PRKD3: variants seen among roughly 807,000 people sequenced by gnomAD.
The protein encoded by PRKD3 is serine/threonine-protein kinase D3.
A neutral mutation model predicts 99.2 loss-of-function variants in PRKD3; 47 were observed. That is an observed-to-expected ratio of 0.47 (90% CI 0.38 to 0.60). PRKD3 has a LOEUF of 0.60. PRKD3 is among the 20% of genes least tolerant of loss of function. The probability of loss-of-function intolerance (pLI) is 0.00; values close to 1 mark genes in which losing one functional copy is unlikely to be tolerated. For missense variants in PRKD3, 1,019 were observed against 1,088.4 expected, an observed-to-expected ratio of 0.94 and a Z score of 0.90; for synonymous variants, 392 against 355.4, an observed-to-expected ratio of 1.10 and a Z score of -1.16.
chr2:37,278,812 C>T (rs184521262), intron 8 of PRKD3: 1 of 152,102 alleles, frequency 6.6e-6, no homozygotes, highest in Admixed American at 6.5e-5. Context: ...TGGCAGGTGC[C>T]TGTAGTCCCA....
chr2:37,263,781 T>G (rs1668638664), intron 14 of PRKD3, among the ~76,000 whole-genome samples: 1 of 152,228 alleles, frequency 6.6e-6, no homozygotes, highest in Non-Finnish European at 1.5e-5. Flanking sequence ...CATGCACCTC[T>G]GCTTCATCTT....
rs755389058 is a variant in PRKD3 at position 37,290,993 on chromosome 2, G to A, written c.434C>T (p.Ala145Val). ...ACGAATCTGGAAGTCTTCTACTGTGGCTAAAGCTTTAAAAAAGAAAAGTAT... is the reference window on the plus strand; with the variant it reads ...ACGAATCTGGAAGTCTTCTACTGTGACTAAAGCTTTAAAAAAGAAAAGTAT... ...DLVEVVLSAL[A>V]TVEDFQIRPH... The change falls in exon 4 of 19, where the codon GCC becomes GTC. Residue 145 changes from alanine to valine, a missense_variant. This residue lies in a region of PRKD3 where 710 missense variants were observed against 692.7 expected (regional missense o/e 1.02). Transcript: ENST00000234179. The A allele has an allele frequency of 4.1e-5, 66 of 1,600,872 alleles. No homozygotes were observed. The South Asian group carries it at 7.1e-4, about 17-fold the overall frequency.
intron 6 of PRKD3, among the ~76,000 whole-genome samples, chr2:37,285,765 T>A (rs891427713): frequency 6.6e-6 from 1 of 152,180 alleles, no homozygotes; most frequent in African/African-American, 2.4e-5. Flanking sequence ...GTTTACTAGC[T>A]ACATGATCTT....
rs1198624664 is a variant in PRKD3, at chr2:37,277,935, G to A, written c.1227C>T (p.His409=). 1 of 1,612,866 alleles carries A rather than the reference G, an allele frequency of 6.2e-7. No homozygotes were observed. The highest frequency in any genetic ancestry group is 8.5e-7 in the Non-Finnish European group (1 of 1,179,062). Residue 409 remains histidine (H), a synonymous_variant, in exon 9 of 19, where the codon CAC becomes CAT. Transcript: ENST00000234179. ...PLMRVVQSIK[H]TKRKSSTMVK... is the part of the protein sequence containing the mutation. The stretch of plus-strand genomic sequence containing the variant: ...CCATTGTGCTGCTCTTCCTCTTTGT[G>A]TGCTTGATGGATTGTACAACCCTCA...
chr2:37,303,914 C>G (rs2124875848), intron 2 of PRKD3, among the ~76,000 whole-genome samples: 1 of 152,242 alleles, frequency 6.6e-6, no homozygotes. Flanking sequence ...ATAACCACCA[C>G]TCAGGTCAAG....
At chr2:37,268,871 G>C (rs1315318749) in intron 13 of PRKD3, 7 of 153,888 alleles carry the variant, frequency 4.5e-5, no homozygotes, top group Admixed American at 3.9e-4. Context: ...ATCTGTAGAT[G>C]ACTGTGAACC....
At chr2:37,273,991 C>T (rs1669434610) in intron 11 of PRKD3, among the ~76,000 whole-genome samples, 2 of 152,160 alleles carry the variant, frequency 1.3e-5, no homozygotes. Context: ...ACTTTATTGC[C>T]TGTTTATATC....
At chr2:37,313,846 A>G (rs571472603) in intron 2 of PRKD3, among the ~76,000 whole-genome samples, 53 of 152,350 alleles carry the variant, frequency 3.5e-4, no homozygotes, top group African/African-American at 1.3e-3. Flanking sequence ...ATCATATATC[A>G]GAACACACCT....
intron 1 of PRKD3, among the ~76,000 whole-genome samples, chr2:37,319,788 AAAT>A (rs1252117281): frequency 1.3e-5 from 2 of 152,336 alleles, no homozygotes; most frequent in Admixed American, 1.3e-4. Context: ...GCAAAGGTAA[AAAT>A]AATGTCATGT....
intron 2 of PRKD3, among the ~76,000 whole-genome samples, chr2:37,315,735 C>T (rs576433609): frequency 2.2e-4 from 34 of 152,276 alleles, no homozygotes; most frequent in Non-Finnish European, 1.5e-5. Context: ...TTTATGTTTT[C>T]AGACTGAGTC....
chr2:37,286,097 C>T, intron 6 of PRKD3, 80 bp downstream of exon 6: 1 of 1,183,714 alleles, frequency 8.4e-7, no homozygotes, highest in Admixed American at 2.8e-5. Context: ...GCTAATGCTT[C>T]TGAAATATAA....
intron 17 of PRKD3, among the ~76,000 whole-genome samples, chr2:37,254,500 C>T (rs1204784263): frequency 6.6e-6 from 1 of 152,154 alleles, no homozygotes; most frequent in Non-Finnish European, 1.5e-5. Context: ...CTTTATAAGG[C>T]AGTATAGAGT....
chr2:37,262,499 C>T (rs1668540768), intron 14 of PRKD3, among the ~76,000 whole-genome samples: 1 of 152,112 alleles, frequency 6.6e-6, no homozygotes, highest in Non-Finnish European at 1.5e-5. Flanking sequence ...AGATCGTTTT[C>T]CAAGCAGCAA....
At chr2:37,254,384 C>T (rs1016020227) in intron 17 of PRKD3, 95 bp from the exon 18 acceptor site, 3 of 894,982 alleles carry the variant, frequency 3.4e-6, no homozygotes, top group South Asian at 1.4e-5. Context: ...CATAGAAATA[C>T]AGGGTTGAGG....
intron 1 of PRKD3, 110 bp from the exon 2 acceptor site, chr2:37,317,289 T>C: frequency 5.2e-6 from 2 of 388,154 alleles, no homozygotes; most frequent in Non-Finnish European, 7.0e-6. Context: ...ATGCTTATAA[T>C]TCACTAATAA....
chr2:37,310,534 CTTTA>C (rs1001796716), intron 2 of PRKD3, among the ~76,000 whole-genome samples: 10 of 152,130 alleles, frequency 6.6e-5, no homozygotes, highest in Non-Finnish European at 1.2e-4. Flanking sequence ...TAATTCCTTC[CTTTA>C]TTTATTCAAC....
At chr2:37,253,634 A>G (rs1667695837) in intron 18 of PRKD3, among the ~76,000 whole-genome samples, 1 of 152,184 alleles carries the variant, frequency 6.6e-6, no homozygotes, top group Non-Finnish European at 1.5e-5. Flanking sequence ...ATAATCACTA[A>G]AACATTTTGT....
rs1667452852 is a variant in PRKD3 at position 37,251,100 on chromosome 2, A to G, written c.*2077T>C. 6.6e-6 allele frequency: 1 copy of G among 152,660 alleles called. No homozygotes were observed. Among genetic ancestry groups the G allele is most frequent in the African/African-American group, 2.4e-5 (1 of 41,462 alleles). The allele number at this position is 152,660 out of a possible 1,614,324, so 9.5% of individuals were successfully genotyped here. ...TAAAACCACAGTAGATTGATTGCCT[A>G]GTGACTCAGAATTATTCCATTTTGT... On this transcript the variant is annotated 3_prime_UTR_variant, in exon 19 of 19. Transcript: ENST00000234179.
intron 17 of PRKD3, among the ~76,000 whole-genome samples, chr2:37,256,126 C>G (rs940850279): frequency 6.6e-6 from 1 of 152,068 alleles, no homozygotes; most frequent in Non-Finnish European, 1.5e-5. Context: ...AAGGGGTCCT[C>G]GAATTTTAAT....
Sources: allele counts gnomAD v4.1 joint callset (sites outside exome capture counted in the v4.1 genomes callset), GRCh38; gene constraint gnomAD v4.1.1; regional missense constraint gnomAD v4.1.1; transcripts MANE v1.5; gene names NCBI Gene and HGNC (gene_info 2026-07-23, HGNC 2026-07-21).